Variants in ATXN10 observed in about 807,000 individuals in gnomAD.
The protein encoded by ATXN10 is ataxin 10.
ATXN10 carries 28 observed loss-of-function variants against 52.9 expected under a neutral mutation model. That is an observed-to-expected ratio of 0.53 (90% CI 0.39 to 0.73). ATXN10 has a LOEUF of 0.73. Ranked by LOEUF, ATXN10 falls within the 30% of genes least tolerant of loss-of-function variation. ATXN10 has a pLI of 0.00. For missense variants in ATXN10, 565 were observed against 577.0 expected (o/e 0.98, Z 0.21); for synonymous variants, 226 against 221.5 (o/e 1.02, Z -0.18).
chr22:45,702,757 A>G lies in ATXN10; in HGVS notation c.557A>G (p.Asn186Ser). 1 of 1,614,038 alleles carries G rather than the reference A, an allele frequency of 6.2e-7. No individual in the cohort carries two copies. The highest frequency in any genetic ancestry group is 1.7e-4 in the Middle Eastern group (1 of 6,054). ...YSSMILFTSL[N>S]HERMKELEEN... ...TCAATGATTTTGTTTACATCCCTTA[A>G]TCATGAAAGAATGAAAGAACTGGAG... Residue 186 changes from asparagine to serine, a missense_variant, in exon 5 of 12, where the codon AAT becomes AGT. Physicochemically the swap from Asn to Ser is conservative, Grantham distance 46 (BLOSUM62 1). Transcript: ENST00000252934.
Position 45,786,543 on chromosome 22 carries a change from G to A in ATXN10, c.1174-20416G>A, listed in dbSNP as rs901467812. On this transcript the variant is annotated intron_variant, in intron 9 of 11. Coordinates refer to ENST00000252934, the MANE Select transcript of ATXN10 (RefSeq NM_013236.4). The surrounding 1 kb of genome is among the most constrained non-coding windows in gnomAD (Gnocchi z 4.1). ...CCTGCCAGGGCATTGCTCCCTGGTC[G>A]GAAGGATTGTTGGTTCTTCCTTACT... is the stretch of plus-strand genomic sequence containing the variant. 3.3e-4 allele frequency among the ~76,000 whole-genome samples: 50 copies of A among 152,176 alleles called. 1 individual carries two copies. Among genetic ancestry groups the A allele is most frequent in the Non-Finnish European group, 8.8e-5 (6 of 68,024 alleles).
rs1446315526 is a variant in ATXN10 at position 45,823,400 on chromosome 22, ATTAT to A, written c.1237+16383_1237+16386del. 14 of 313,320 alleles carry A rather than the reference ATTAT, an allele frequency of 4.5e-5. No homozygotes were observed. Among genetic ancestry groups the A allele is most frequent in the Non-Finnish European group, 8.2e-5 (13 of 158,134 alleles). The allele number at this position is 313,320 out of a possible 1,614,324, so 19.4% of individuals were successfully genotyped here. On this transcript the variant is annotated intron_variant, in intron 10 of 11. Coordinates refer to ENST00000252934, the MANE Select transcript of ATXN10 (RefSeq NM_013236.4). This position sits in a 1 kb window ranked among gnomAD's most constrained non-coding sequence, Gnocchi z 4.9. ...GGATTTGTAATCTATCAGAATTGTA[ATTAT>A]TTATGATGTACAGTAGGGATTCTGT...
chr22:45,694,961 AAAAAAC>A (rs1923541630), intron 3 of ATXN10, among the ~76,000 whole-genome samples: 4 of 150,440 alleles, frequency 2.7e-5, no homozygotes, highest in African/African-American at 9.8e-5. Flanking sequence ...AAAAAAAAAA[AAAAAAC>A]AAAACCCCAG....
In ATXN10 at chr22:45,770,911, A is replaced by G. The variant is rs1926754162; in HGVS notation, c.1173+30373A>G. Among the ~76,000 whole-genome samples, 1 of 152,218 alleles carries G rather than the reference A, an allele frequency of 6.6e-6. No homozygotes were observed. The highest frequency in any genetic ancestry group is 1.5e-5 in the Non-Finnish European group (1 of 68,032). On this transcript the variant is annotated intron_variant, in intron 9 of 11. Transcript: ENST00000252934. The surrounding 1 kb of genome is among the most constrained non-coding windows in gnomAD (Gnocchi z 4.5). ...AAGTGCTCACTTGGAGAGAGAGGAC[A>G]GAGCCACAGAGCCTTCTCAGAGAGA...
intron 8 of ATXN10, among the ~76,000 whole-genome samples, chr22:45,739,361 A>G (rs1925421726): frequency 6.6e-6 from 1 of 152,212 alleles, no homozygotes; most frequent in South Asian, 2.1e-4. Flanking sequence ...ATTCAAGTAG[A>G]ACCTGTTCCT....
intron 9 of ATXN10, among the ~76,000 whole-genome samples, chr22:45,758,159 G>A (rs555086457): frequency 1.3e-5 from 2 of 152,192 alleles, no homozygotes; most frequent in Admixed American, 6.5e-5. Context: ...CGCAGCTCCC[G>A]CCTGACGTTT....
Position 45,732,196 on chromosome 22 carries a change from A to C in ATXN10, c.894+2606A>C, listed in dbSNP as rs1925113447. Among the ~76,000 whole-genome samples the C allele has an allele frequency of 6.6e-6, 1 of 152,202 alleles. No homozygotes were observed. Among genetic ancestry groups the C allele is most frequent in the African/African-American group, 2.4e-5 (1 of 41,448 alleles). ...ACTGGGAACAGTGGCTCATGCCCGT[A>C]ATCCCAATACTTTGGGACGCCAAGG... On this transcript the variant is annotated intron_variant, in intron 7 of 11. Transcript: ENST00000252934. The surrounding 1 kb of genome is among the most constrained non-coding windows in gnomAD (Gnocchi z 4.5).
intron 9 of ATXN10, among the ~76,000 whole-genome samples, chr22:45,771,472 A>C (rs1926776342): frequency 6.9e-6 from 1 of 145,006 alleles, no homozygotes; most frequent in African/African-American, 2.6e-5. Flanking sequence ...GCTGGAGTGC[A>C]ATGATGTGAT....
intron 9 of ATXN10, among the ~76,000 whole-genome samples, chr22:45,791,375 T>C (rs1278083250): frequency 6.6e-6 from 1 of 151,860 alleles, no homozygotes; most frequent in Admixed American, 6.6e-5. Flanking sequence ...TATCCTTGTG[T>C]TTTTTTTCTG....
At chr22:45,751,305 A>G (rs1925938808) in intron 9 of ATXN10, among the ~76,000 whole-genome samples, 1 of 152,166 alleles carries the variant, frequency 6.6e-6, no homozygotes, top group Non-Finnish European at 1.5e-5. Flanking sequence ...TAGCAATGAC[A>G]ATTTCAATTA....
intron 9 of ATXN10, among the ~76,000 whole-genome samples, chr22:45,747,798 C>A (rs1232609627): frequency 2.6e-5 from 4 of 151,932 alleles, no homozygotes; most frequent in African/African-American, 9.7e-5. Flanking sequence ...TAAATGTGAT[C>A]ATGTATAGGA....
At chr22:45,776,055 C>T (rs1404124061) in intron 9 of ATXN10, among the ~76,000 whole-genome samples, 1 of 152,184 alleles carries the variant, frequency 6.6e-6, no homozygotes, top group Non-Finnish European at 1.5e-5. Context: ...CACCCTTGAG[C>T]ATGTCCTGTT....
chr22:45,743,872 T>G (rs894615157), intron 9 of ATXN10, among the ~76,000 whole-genome samples: 9 of 152,214 alleles, frequency 5.9e-5, no homozygotes, highest in African/African-American at 2.2e-4. Flanking sequence ...TGGATTTGTT[T>G]GCCTATTGAG....
intron 1 of ATXN10, among the ~76,000 whole-genome samples, chr22:45,689,035 G>A (rs948299212): frequency 6.6e-6 from 1 of 151,992 alleles, no homozygotes; most frequent in Admixed American, 6.6e-5. Flanking sequence ...TTTCTCCCTG[G>A]GCATACATTC....
intron 1 of ATXN10, chr22:45,675,197 C>G (rs771751767): frequency 6.6e-6 from 1 of 152,208 alleles, no homozygotes; most frequent in Non-Finnish European, 1.5e-5. Context: ...AAAATTGCAG[C>G]TATTTCAGGA....
rs2146856683 is a variant in ATXN10 at position 45,784,165 on chromosome 22, G to A, written c.1174-22794G>A. The stretch of plus-strand genomic sequence containing the variant: ...AACCAGAAATAGTTACCTGCAATTT[G>A]TGTGGTACAATTTTTAAAAAAAAAT... On this transcript the variant is annotated intron_variant, in intron 9 of 11. Transcript: ENST00000252934. The surrounding 1 kb of genome is among the most constrained non-coding windows in gnomAD (Gnocchi z 4.2). Among the ~76,000 whole-genome samples the A allele has an allele frequency of 6.6e-6, 1 of 152,198 alleles. No homozygotes were observed. Among genetic ancestry groups the A allele is most frequent in the Middle Eastern group, 3.4e-3 (1 of 294 alleles).
intron 6 of ATXN10, among the ~76,000 whole-genome samples, chr22:45,724,665 A>C (rs186689523): frequency 1.7e-3 from 263 of 152,254 alleles, no homozygotes; most frequent in Non-Finnish European, 3.0e-3. Flanking sequence ...GATGCATTTT[A>C]GTTTAACTAG....
In ATXN10 at chr22:45,688,626, C is replaced by T. The variant is rs970141423; in HGVS notation, c.117-1086C>T. The stretch of plus-strand genomic sequence containing the variant: ...AAGGGGCTTCCATAGGTGTCTTCTG[C>T]GGCAACTGAGCAGCTCTGTAACCTG... On this transcript the variant is annotated intron_variant, in intron 1 of 11. Coordinates refer to ENST00000252934, the MANE Select transcript of ATXN10 (RefSeq NM_013236.4). The surrounding 1 kb of genome is among the most constrained non-coding windows in gnomAD (Gnocchi z 4.0). Among the ~76,000 whole-genome samples the T allele has an allele frequency of 7.9e-5, 12 of 152,174 alleles. No homozygotes were observed. The highest frequency in any genetic ancestry group is 1.5e-4 in the Non-Finnish European group (10 of 68,032).
intron 7 of ATXN10, among the ~76,000 whole-genome samples, chr22:45,731,851 T>C (rs1340250085): frequency 1.3e-5 from 2 of 152,218 alleles, no homozygotes; most frequent in Admixed American, 6.5e-5. Context: ...TAGTTCTCAT[T>C]TTCTGTGATA....
Sources: gnomAD v4.1 joint callset for allele counts (sites outside exome capture counted in the v4.1 genomes callset) on GRCh38, gnomAD v4.1.1 for gene constraint, Gnocchi (gnomAD v3.1) non-coding constraint, MANE v1.5 for transcripts, NCBI Gene and HGNC (gene_info 2026-07-23, HGNC 2026-07-21) for gene names.